ADAMTSL1: variants seen among roughly 807,000 people sequenced by gnomAD.
ADAMTSL1 encodes the protein ADAMTS like 1.
ADAMTSL1 carries 126 observed loss-of-function variants against 201.8 expected under a neutral mutation model. That is an observed-to-expected ratio of 0.62 (90% CI 0.54 to 0.72). The LOEUF (loss-of-function observed/expected upper bound fraction) is 0.72. Ranked by LOEUF, ADAMTSL1 falls within the 30% of genes least tolerant of loss-of-function variation. The pLI, the probability that ADAMTSL1 is intolerant of heterozygous loss-of-function variation, is 0.00. For synonymous variants in ADAMTSL1, 1,121 were observed against 903.4 expected (o/e 1.24, Z -4.32); for missense variants, 2,679 against 2,277.8 (o/e 1.18, Z -3.59).
At chr9:17,972,663 C>T (rs1818260874) in intron 1 of ADAMTSL1, among the ~76,000 whole-genome samples, 1 of 151,512 alleles carries the variant, frequency 6.6e-6, no homozygotes, top group African/African-American at 2.4e-5. Flanking sequence ...ATTTATAGTC[C>T]TTTGGGTATA....
chr9:18,707,351 G>A (rs1346550798), intron 14 of ADAMTSL1, among the ~76,000 whole-genome samples: 1 of 152,208 alleles, frequency 6.6e-6, no homozygotes, highest in Non-Finnish European at 1.5e-5. Context: ...AGTTGACACT[G>A]ACCTGGCCGT....
chr9:18,029,972 T>A (rs1820874506), intron 1 of ADAMTSL1, among the ~76,000 whole-genome samples: 1 of 151,774 alleles, frequency 6.6e-6, no homozygotes, highest in Admixed American at 6.6e-5. Flanking sequence ...GTTCAACCAT[T>A]GTGGAAGTCA....
chr9:18,003,155 C>G (rs1468931841), intron 1 of ADAMTSL1, among the ~76,000 whole-genome samples: 1 of 151,974 alleles, frequency 6.6e-6, no homozygotes, highest in Non-Finnish European at 1.5e-5. Context: ...GTGGTAGCCT[C>G]TAGACCACTA....
intron 15 of ADAMTSL1, among the ~76,000 whole-genome samples, chr9:18,728,280 C>T (rs1430404313): frequency 6.6e-6 from 1 of 151,994 alleles, no homozygotes; most frequent in East Asian, 1.9e-4. Context: ...TAGGAAAATC[C>T]ATGCAATTAC....
At chr9:18,855,291 T>C (rs1238750605) in intron 23 of ADAMTSL1, among the ~76,000 whole-genome samples, 2 of 152,204 alleles carry the variant, frequency 1.3e-5, no homozygotes, top group African/African-American at 4.8e-5. Flanking sequence ...TGTAACTGTT[T>C]TCATGAGCAT....
At chr9:18,561,531 A>T (rs1163142529) in intron 3 of ADAMTSL1, among the ~76,000 whole-genome samples, 1 of 152,118 alleles carries the variant, frequency 6.6e-6, no homozygotes, top group Admixed American at 6.5e-5. Context: ...GGTTCTATAG[A>T]TGTCTATTAG....
chr9:18,099,703 T>C (rs1402607150), intron 1 of ADAMTSL1, among the ~76,000 whole-genome samples: 2 of 148,426 alleles, frequency 1.3e-5, no homozygotes, highest in Non-Finnish European at 3.0e-5. Flanking sequence ...AGTGGCGCAA[T>C]CTTGGCTCAC....
intron 2 of ADAMTSL1, among the ~76,000 whole-genome samples, chr9:18,189,905 G>C (rs1563797053): frequency 6.6e-6 from 1 of 152,268 alleles, no homozygotes; most frequent in East Asian, 1.9e-4. Flanking sequence ...TTCTCAACAA[G>C]TAAGTCAAAT....
chr9:18,811,354 C>T (rs1375136049), intron 20 of ADAMTSL1, among the ~76,000 whole-genome samples: 1 of 152,228 alleles, frequency 6.6e-6, no homozygotes, highest in Non-Finnish European at 1.5e-5. Flanking sequence ...CCGTGCCCAC[C>T]TTTCCCTCCC....
chr9:18,822,968 G>GA (rs989026668), intron 21 of ADAMTSL1, among the ~76,000 whole-genome samples: 5 of 150,836 alleles, frequency 3.3e-5, no homozygotes, highest in Non-Finnish European at 4.4e-5. Flanking sequence ...GAGAGAAAAA[G>GA]AAAAAAAAAC....
intron 1 of ADAMTSL1, among the ~76,000 whole-genome samples, chr9:17,921,167 C>A (rs1210771315): frequency 6.6e-6 from 1 of 152,066 alleles, no homozygotes; most frequent in African/African-American, 2.4e-5. Context: ...GTTTGTTATA[C>A]TTTCTAAAGG....
At chr9:17,940,218 T>C (rs989701804) in intron 1 of ADAMTSL1, among the ~76,000 whole-genome samples, 2 of 152,122 alleles carry the variant, frequency 1.3e-5, no homozygotes, top group Non-Finnish European at 2.9e-5. Flanking sequence ...AATGAAATGA[T>C]ATAATTTGTT....
At chr9:18,415,364 C>T (rs934835014) in intron 2 of ADAMTSL1, among the ~76,000 whole-genome samples, 2 of 152,038 alleles carry the variant, frequency 1.3e-5, no homozygotes, top group African/African-American at 4.8e-5. Flanking sequence ...TTTTAAAAAA[C>T]AACAAATCAA....
At chr9:18,883,702 A>T (rs1209737524) in intron 23 of ADAMTSL1, among the ~76,000 whole-genome samples, 1 of 152,202 alleles carries the variant, frequency 6.6e-6, no homozygotes, top group Non-Finnish European at 1.5e-5. Context: ...TCCTTCATTT[A>T]GCATAATGTT....
intron 2 of ADAMTSL1, among the ~76,000 whole-genome samples, chr9:18,451,507 C>A (rs1820404287): frequency 6.6e-6 from 1 of 152,186 alleles, no homozygotes; most frequent in Admixed American, 6.5e-5. Context: ...ACTTGAGCAA[C>A]TTTCAGAAAA....
chr9:17,927,455 T>G (rs1826595448), intron 1 of ADAMTSL1, among the ~76,000 whole-genome samples: 1 of 152,004 alleles, frequency 6.6e-6, no homozygotes, highest in Non-Finnish European at 1.5e-5. Flanking sequence ...TACATATACA[T>G]GCATGCAGTG....
intron 14 of ADAMTSL1, chr9:18,718,613 G>C: frequency 2.6e-6 from 1 of 381,526 alleles, no homozygotes; most frequent in Non-Finnish European, 5.1e-6. Context: ...TGCTACTCTC[G>C]GCACCACAGC....
chr9:18,339,371 C>T (rs1024966488), intron 2 of ADAMTSL1, among the ~76,000 whole-genome samples: 14 of 152,120 alleles, frequency 9.2e-5, no homozygotes, highest in African/African-American at 3.4e-4. Flanking sequence ...CATCACTAAT[C>T]ACTACAGAAA....
At chr9:18,359,515 C>T (rs148144481) in intron 2 of ADAMTSL1, among the ~76,000 whole-genome samples, 42 of 152,284 alleles carry the variant, frequency 2.8e-4, no homozygotes, top group African/African-American at 1.0e-3. Flanking sequence ...GGTTTCTTTA[C>T]TCACCAGGAA....
Sources: gnomAD v4.1 joint callset for allele counts (sites outside exome capture counted in the v4.1 genomes callset) on GRCh38, gnomAD v4.1.1 for gene constraint, MANE v1.5 for transcripts, NCBI Gene and HGNC (gene_info 2026-07-23, HGNC 2026-07-21) for gene names.